SNX3: variants seen among roughly 807,000 people sequenced by gnomAD.
SNX3 encodes sorting nexin 3.
SNX3 carries 5 observed loss-of-function variants against 17.7 expected under a neutral mutation model. The observed-to-expected ratio is 0.28, with a 90% CI of 0.15 to 0.59. The LOEUF is 0.59. Ranked by LOEUF, SNX3 falls within the 20% of genes least tolerant of loss-of-function variation. The probability of loss-of-function intolerance (pLI) is 0.88; values close to 1 mark genes in which losing one functional copy is unlikely to be tolerated. For missense variants in SNX3, 132 were observed against 206.8 expected (o/e 0.64, Z 2.22); for synonymous variants, 91 against 76.5 (o/e 1.19, Z -0.99).
intron 1 of SNX3, among the ~76,000 whole-genome samples, chr6:108,258,214 C>T (rs913827705): frequency 1.3e-5 from 2 of 151,948 alleles, no homozygotes; most frequent in African/African-American, 4.8e-5. Context: ...AATCCCAGCA[C>T]TTTGGGAGGC....
Position 108,228,847 on chromosome 6 carries a change from A to C in SNX3, c.163-5802T>G, listed in dbSNP as rs530022788. Among the ~76,000 whole-genome samples, 560 of 152,260 alleles carry C rather than the reference A, an allele frequency of 3.7e-3. 3 individuals carry two copies. The highest frequency in any genetic ancestry group is 0.024 in the Middle Eastern group (7 of 294). ...TAGCATTGTAATAGACACAAAAAAA[A>C]ACCCCAAAAAAGACCAGAAACAATA... On this transcript the variant is annotated intron_variant, in intron 1 of 3. Coordinates refer to ENST00000230085, the MANE Select transcript of SNX3 (RefSeq NM_003795.6).
intron 3 of SNX3, among the ~76,000 whole-genome samples, chr6:108,212,607 G>T (rs777909356): frequency 6.6e-6 from 1 of 152,096 alleles, no homozygotes; most frequent in Non-Finnish European, 1.5e-5. Context: ...CAAAGTGCTG[G>T]GATTACAGGC....
intron 1 of SNX3, among the ~76,000 whole-genome samples, chr6:108,257,049 T>G (rs1191560959): frequency 6.6e-6 from 1 of 152,196 alleles, no homozygotes; most frequent in Non-Finnish European, 1.5e-5. Context: ...TTAGAGTAAT[T>G]TCAATCAGAT....
intron 2 of SNX3, among the ~76,000 whole-genome samples, chr6:108,216,034 A>G (rs1774563093): frequency 6.6e-6 from 1 of 152,190 alleles, no homozygotes; most frequent in African/African-American, 2.4e-5. Flanking sequence ...CTACCCTAGC[A>G]CTACTGAGAA....
At chr6:108,214,249 T>C (rs556189453) in intron 3 of SNX3, among the ~76,000 whole-genome samples, 8 of 152,218 alleles carry the variant, frequency 5.3e-5, no homozygotes, top group Non-Finnish European at 8.8e-5. Context: ...TAAATGTAAT[T>C]TGCATAAATT....
chr6:108,221,059 T>C lies in SNX3; in HGVS notation c.258+1891A>G, dbSNP rs149321243. On this transcript the variant is annotated intron_variant, in intron 2 of 3. Coordinates refer to ENST00000230085, the MANE Select transcript of SNX3 (RefSeq NM_003795.6). ...ATATTTTTTGGTTATTCTTGAGCTT[T>C]TTCTGATTCTAAAGCTCATAAATAA... Among the ~76,000 whole-genome samples the C allele has an allele frequency of 3.8e-3, 580 of 152,310 alleles. 6 individuals carry two copies. Among genetic ancestry groups the C allele is most frequent in the African/African-American group, 0.013 (557 of 41,560 alleles).
At chr6:108,237,744 G>A (rs1030698851) in intron 1 of SNX3, among the ~76,000 whole-genome samples, 1 of 151,640 alleles carries the variant, frequency 6.6e-6, no homozygotes, top group Non-Finnish European at 1.5e-5. Context: ...AGCTGAGATC[G>A]TGGCACTGCA....
chr6:108,224,229 G>A (rs185222957), intron 1 of SNX3, among the ~76,000 whole-genome samples: 132 of 152,110 alleles, frequency 8.7e-4, no homozygotes, highest in Non-Finnish European at 1.4e-3. Flanking sequence ...TTGGCCTCCC[G>A]GGTAGCTGGG....
chr6:108,233,130 C>A (rs1022886353), intron 1 of SNX3, among the ~76,000 whole-genome samples: 2 of 152,088 alleles, frequency 1.3e-5, no homozygotes, highest in African/African-American at 4.8e-5. Flanking sequence ...ATGCATAAAC[C>A]AAGGAATTCC....
intron 1 of SNX3, among the ~76,000 whole-genome samples, chr6:108,256,527 T>C (rs1776035689): frequency 2.0e-5 from 3 of 152,288 alleles, no homozygotes; most frequent in South Asian, 2.1e-4. Flanking sequence ...TCCTAAGAGG[T>C]AGGTACTATT....
At chr6:108,240,176 A>G (rs561842217) in intron 1 of SNX3, among the ~76,000 whole-genome samples, 18 of 152,144 alleles carry the variant, frequency 1.2e-4, no homozygotes, top group Non-Finnish European at 1.9e-4. Flanking sequence ...AAGAAAAACT[A>G]CTCAACTCAG....
intron 1 of SNX3, among the ~76,000 whole-genome samples, chr6:108,229,508 A>T (rs1385736582): frequency 2.0e-5 from 3 of 151,284 alleles, no homozygotes; most frequent in African/African-American, 7.3e-5. Context: ...CCTGGGCTCA[A>T]GGGATCCTTC....
intron 2 of SNX3, among the ~76,000 whole-genome samples, chr6:108,217,874 T>C (rs1276548423): frequency 1.3e-5 from 2 of 151,978 alleles, no homozygotes; most frequent in African/African-American, 4.8e-5. Flanking sequence ...TAAAGCAAAC[T>C]AGAATAAAAG....
chr6:108,253,388 T>A (rs1217103181), intron 1 of SNX3, among the ~76,000 whole-genome samples: 1 of 149,442 alleles, frequency 6.7e-6, no homozygotes, highest in Admixed American at 6.6e-5. Flanking sequence ...AATGAATACA[T>A]ATGTCTTTTT....
At chr6:108,231,689 C>T (rs370154175) in intron 1 of SNX3, among the ~76,000 whole-genome samples, 2 of 152,222 alleles carry the variant, frequency 1.3e-5, no homozygotes, top group South Asian at 2.1e-4. Context: ...CTGAACCAGC[C>T]CTTCATAATA....
chr6:108,244,829 C>T (rs1022824607), intron 1 of SNX3, among the ~76,000 whole-genome samples: 12 of 151,500 alleles, frequency 7.9e-5, no homozygotes, highest in African/African-American at 2.7e-4. Context: ...TCAGTAGAGA[C>T]GGGGTTTCGC....
intron 1 of SNX3, among the ~76,000 whole-genome samples, chr6:108,247,861 G>C (rs529096956): frequency 3.3e-5 from 5 of 152,126 alleles, no homozygotes; most frequent in African/African-American, 9.6e-5. Flanking sequence ...ACTTTGGGAG[G>C]CAGAGGCAGG....
chr6:108,239,268 C>T (rs1027389068), intron 1 of SNX3, among the ~76,000 whole-genome samples: 7 of 151,966 alleles, frequency 4.6e-5, no homozygotes, highest in Admixed American at 3.3e-4. Context: ...GACCCGGGTT[C>T]GACTCCTCTT....
intron 1 of SNX3, among the ~76,000 whole-genome samples, chr6:108,252,020 G>A (rs1775873772): frequency 6.7e-6 from 1 of 149,586 alleles, no homozygotes; most frequent in Admixed American, 6.7e-5. Flanking sequence ...AGCTGAGACT[G>A]CACTATTGCA....
Sources: gnomAD v4.1 joint callset for allele counts (sites outside exome capture counted in the v4.1 genomes callset) on GRCh38, gnomAD v4.1.1 for gene constraint, MANE v1.5 for transcripts, NCBI Gene and HGNC (gene_info 2026-07-23, HGNC 2026-07-21) for gene names.